The following USH2A variants were observed in gnomAD, a reference collection of about 807,000 sequenced individuals.
USH2A encodes usherin.
A neutral mutation model predicts 538.9 loss-of-function variants in USH2A; 443 were observed. That is an observed-to-expected ratio of 0.82 (90% CI 0.76 to 0.89). The LOEUF (loss-of-function observed/expected upper bound fraction) is 0.89, where lower values mean the gene tolerates loss of function less well. USH2A is among the 40% of genes least tolerant of loss of function. The probability of loss-of-function intolerance (pLI) is 0.00; values close to 1 mark genes in which losing one functional copy is unlikely to be tolerated. For synonymous variants in USH2A, 2,413 were observed against 2,273.5 expected (o/e 1.06, Z -1.75); for missense variants, 6,633 against 6,324.8 (o/e 1.05, Z -1.65).
At chr1:215,733,759 TA>T (rs1660073818) in intron 60 of USH2A, among the ~76,000 whole-genome samples, 1 of 152,184 alleles carries the variant, frequency 6.6e-6, no homozygotes, top group South Asian at 2.1e-4. Flanking sequence ...AGCTCCAAAA[TA>T]GTCTCCATTA....
Position 216,200,139 on chromosome 1 carries a change from A to C in USH2A, c.3317-18T>G, listed in dbSNP as rs2034952388. 1.2e-6 allele frequency: 2 copies of C among 1,603,222 alleles called. No homozygotes were observed. The highest frequency in any genetic ancestry group is 2.2e-5 in the East Asian group (1 of 44,738). On this transcript the variant is annotated intron_variant, in intron 16 of 71. Transcript: ENST00000307340. ...TTGAATACCTGAAATGAAAAGAAAAAAAAAAAACAAAGTTACATTTCACAA... is the reference window on the plus strand; with the variant it reads ...TTGAATACCTGAAATGAAAAGAAAACAAAAAAACAAAGTTACATTTCACAA...
At chr1:216,383,478 A>G (rs1017317074) in intron 3 of USH2A, among the ~76,000 whole-genome samples, 4 of 152,224 alleles carry the variant, frequency 2.6e-5, no homozygotes, top group African/African-American at 9.6e-5. Context: ...TTGAAATAAA[A>G]ATATCATTTT....
chr1:216,161,101 A>G (rs1413932378), intron 21 of USH2A, among the ~76,000 whole-genome samples: 1 of 152,100 alleles, frequency 6.6e-6, no homozygotes, highest in Non-Finnish European at 1.5e-5. Context: ...TATGTTTATA[A>G]GAATAAACAA....
chr1:216,380,399 T>A (rs1453880651), intron 3 of USH2A, among the ~76,000 whole-genome samples: 1 of 152,050 alleles, frequency 6.6e-6, no homozygotes, highest in African/African-American at 2.4e-5. Flanking sequence ...ATTAAAGACA[T>A]CAGAAATGCC....
At chr1:216,364,123 T>A (rs2038549192) in intron 4 of USH2A, among the ~76,000 whole-genome samples, 1 of 151,620 alleles carries the variant, frequency 6.6e-6, no homozygotes, top group South Asian at 2.1e-4. Flanking sequence ...TCAAGATAAT[T>A]TCTTATTTCA....
At chr1:215,634,337 T>G (rs1489219075) in intron 70 of USH2A, 122 bp downstream of exon 70, 1 of 1,515,532 alleles carries the variant, frequency 6.6e-7, no homozygotes, top group African/African-American at 1.4e-5. Flanking sequence ...GTCCCCACAC[T>G]TAGTGAAACA....
chr1:215,696,246 C>T (rs1658803641), intron 61 of USH2A, among the ~76,000 whole-genome samples: 1 of 152,198 alleles, frequency 6.6e-6, no homozygotes, highest in South Asian at 2.1e-4. Flanking sequence ...TAAAGGTCTT[C>T]ATCCTTGCCA....
intron 3 of USH2A, among the ~76,000 whole-genome samples, chr1:216,372,238 T>C (rs55868786): frequency 0.037 from 5,647 of 152,282 alleles, 140 homozygotes; most frequent in Middle Eastern, 0.082. Flanking sequence ...TGGTTTTGTT[T>C]CTGTTTTGCA....
chr1:215,975,354 GT>G (rs771733550), intron 35 of USH2A, among the ~76,000 whole-genome samples: 10 of 151,996 alleles, frequency 6.6e-5, no homozygotes, highest in Non-Finnish European at 1.0e-4. Context: ...GTCAATTTTT[GT>G]TGCAATTGCT....
chr1:216,296,329 C>T (rs1308989403), intron 9 of USH2A, among the ~76,000 whole-genome samples: 1 of 151,862 alleles, frequency 6.6e-6, no homozygotes, highest in African/African-American at 2.4e-5. Flanking sequence ...TATTTTTCCC[C>T]ACAATCATTT....
At chr1:216,190,491 G>C in intron 19 of USH2A, 124 bp from the exon 20 acceptor site, 1 of 1,220,490 alleles carries the variant, frequency 8.2e-7, no homozygotes, top group Non-Finnish European at 1.1e-6. Flanking sequence ...CCACCATTAG[G>C]AAAAGGGTTT....
In USH2A at chr1:215,670,997, A is replaced by G. The variant is rs369513607; in HGVS notation, c.14108T>C (p.Leu4703Ser). Residue 4703 changes from leucine to serine, a missense_variant, in exon 64 of 72, where the codon TTG (leucine) becomes TCG (serine). Transcript: ENST00000307340. ...SSTSFIDSELLPFTEYEYQVW... is the reference protein window; with the variant it reads ...SSTSFIDSELSPFTEYEYQVW... ...CTGATACTCATACTCTGTGAAAGGC[A>G]ATAGTTCGGAATCTATAAAAGATGT... 2 of 1,614,066 alleles carry G rather than the reference A, an allele frequency of 1.2e-6. No individual in the cohort carries two copies. The highest frequency in any genetic ancestry group is 1.7e-6 in the Non-Finnish European group (2 of 1,180,022).
intron 21 of USH2A, among the ~76,000 whole-genome samples, chr1:216,171,259 A>G (rs887281632): frequency 3.9e-5 from 6 of 151,962 alleles, no homozygotes; most frequent in African/African-American, 1.2e-4. Context: ...TAAACATTCT[A>G]TGTTCACAGA....
intron 22 of USH2A, among the ~76,000 whole-genome samples, chr1:216,094,378 G>A (rs1010478963): frequency 3.9e-5 from 6 of 151,902 alleles, no homozygotes; most frequent in Admixed American, 6.6e-5. Context: ...CCCACACCCC[G>A]CCACTAAGCT....
intron 44 of USH2A, among the ~76,000 whole-genome samples, chr1:215,858,176 T>C (rs1419956853): frequency 6.6e-6 from 1 of 152,086 alleles, no homozygotes; most frequent in Non-Finnish European, 1.5e-5. Flanking sequence ...TATTGGGATA[T>C]ATTTTCTCAG....
intron 50 of USH2A, among the ~76,000 whole-genome samples, chr1:215,794,837 T>C (rs577736672): frequency 6.6e-6 from 1 of 152,322 alleles, no homozygotes; most frequent in South Asian, 2.1e-4. Flanking sequence ...AGTTCATGGA[T>C]GGAGTTCAAG....
intron 56 of USH2A, among the ~76,000 whole-genome samples, chr1:215,762,889 C>T (rs1330518750): frequency 6.6e-6 from 1 of 152,050 alleles, no homozygotes; most frequent in African/African-American, 2.4e-5. Context: ...CCTTGGTGGG[C>T]CTTTTTACAC....
chr1:215,937,602 T>A (rs765529518), intron 37 of USH2A, among the ~76,000 whole-genome samples: 2 of 152,116 alleles, frequency 1.3e-5, no homozygotes, highest in Non-Finnish European at 2.9e-5. Context: ...CCTGTCCCCA[T>A]GATATTGAGC....
At chr1:215,982,366 C>T (rs1242071913) in intron 35 of USH2A, among the ~76,000 whole-genome samples, 1 of 152,154 alleles carries the variant, frequency 6.6e-6, no homozygotes, top group African/African-American at 2.4e-5. Flanking sequence ...GTTTTACTTG[C>T]TATAGGAAGC....
Sources: allele counts gnomAD v4.1 joint callset (sites outside exome capture counted in the v4.1 genomes callset), GRCh38; gene constraint gnomAD v4.1.1; transcripts MANE v1.5; gene names NCBI Gene and HGNC (gene_info 2026-07-23, HGNC 2026-07-21).